Variants in FMNL3 observed in about 807,000 individuals in gnomAD.
The protein encoded by FMNL3 is formin-like protein 3.
In FMNL3, 57 loss-of-function variants were observed where a neutral mutation model predicts 119.6. The ratio of observed to expected loss-of-function variants is 0.48; its 90% CI spans 0.39 to 0.59. The LOEUF is 0.59. Among genes scored for constraint, FMNL3 ranks in the 20% least tolerant of loss-of-function variants. The pLI is 0.00. For synonymous variants in FMNL3, 491 were observed against 507.3 expected (o/e 0.97, Z 0.43); for missense variants, 1,053 against 1,323.5 (o/e 0.80, Z 3.17).
chr12:49,683,548 T>A (rs1406675032), intron 1 of FMNL3, among the ~76,000 whole-genome samples: 4 of 152,174 alleles, frequency 2.6e-5, no homozygotes, highest in African/African-American at 9.7e-5. Flanking sequence ...AACTATTTAT[T>A]AATAGTTAAC....
intron 1 of FMNL3, among the ~76,000 whole-genome samples, chr12:49,691,472 T>C (rs906829363): frequency 6.6e-6 from 1 of 152,192 alleles, no homozygotes; most frequent in Non-Finnish European, 1.5e-5. Context: ...CAGCTTTCAC[T>C]GGCCTGGAAA....
intron 1 of FMNL3, among the ~76,000 whole-genome samples, chr12:49,678,746 A>T (rs1389841939): frequency 6.6e-6 from 1 of 152,212 alleles, no homozygotes; most frequent in Non-Finnish European, 1.5e-5. Flanking sequence ...TACAGGCATG[A>T]GCCACAGTGC....
chr12:49,703,432 A>G (rs1053300673), intron 1 of FMNL3, among the ~76,000 whole-genome samples: 8 of 152,214 alleles, frequency 5.3e-5, no homozygotes, highest in African/African-American at 1.7e-4. Context: ...AATACCCAAC[A>G]GAATGGGAAG....
intron 1 of FMNL3, among the ~76,000 whole-genome samples, chr12:49,695,548 G>T (rs550402310): frequency 3.3e-5 from 5 of 152,216 alleles, no homozygotes; most frequent in African/African-American, 9.6e-5. Flanking sequence ...TAGAGTTGTT[G>T]TTAAGTTAAA....
chr12:49,647,953 G>C lies in FMNL3; in HGVS notation c.2677-149C>G. On this transcript the variant is annotated intron_variant, in intron 22 of 25. Coordinates refer to ENST00000335154, the MANE Select transcript of FMNL3 (RefSeq NM_175736.5). This position sits in a 1 kb window ranked among gnomAD's most constrained non-coding sequence, Gnocchi z 4.9. ...GCCCCTGTGAGCTGGAGGGAACCTG[G>C]GGCTCCCAAAGCTCCTGAGTATGAG... 1.3e-6 allele frequency: 1 copy of C among 794,658 alleles called. No homozygotes were observed. Among genetic ancestry groups the C allele is most frequent in the Non-Finnish European group, 1.9e-6 (1 of 512,862 alleles). The allele number at this position is 794,658 out of a possible 1,614,324, so 49.2% of individuals were successfully genotyped here.
chr12:49,679,903 A>C (rs1444132822), intron 1 of FMNL3, among the ~76,000 whole-genome samples: 1 of 152,204 alleles, frequency 6.6e-6, no homozygotes, highest in Non-Finnish European at 1.5e-5. Flanking sequence ...TTTACAAACA[A>C]GGGGGAACCT....
intron 22 of FMNL3, 89 bp downstream of exon 22, chr12:49,648,104 T>A (rs1462070842): frequency 2.1e-4 from 255 of 1,233,786 alleles, no homozygotes; most frequent in Non-Finnish European, 2.0e-4. Flanking sequence ...CTGCTTGATT[T>A]AAAAAAAAAA....
At chr12:49,652,740 AAG>A (rs1322088726) in intron 13 of FMNL3, among the ~76,000 whole-genome samples, 1 of 152,194 alleles carries the variant, frequency 6.6e-6, no homozygotes, top group Admixed American at 6.5e-5. Flanking sequence ...CTGAAAGAGA[AAG>A]TAGGATGGGG....
Position 49,639,622 on chromosome 12 carries a change from A to G in FMNL3, c.*6193T>C, listed in dbSNP as rs1942326600. ...CCTGTTTTCAAGTGAAGCAGCTTGA[A>G]TCTTTTTTATGCATAAAGGTTCTAC... is the stretch of plus-strand genomic sequence containing the variant. On this transcript the variant is annotated 3_prime_UTR_variant, in exon 26 of 26. Coordinates refer to ENST00000335154, the MANE Select transcript of FMNL3 (RefSeq NM_175736.5). 1 of 152,162 alleles carries G rather than the reference A, an allele frequency of 6.6e-6. No homozygotes were observed. The highest frequency in any genetic ancestry group is 6.5e-5 in the Admixed American group (1 of 15,284). The allele number at this position is 152,162 out of a possible 1,614,324, so 9.4% of individuals were successfully genotyped here.
chr12:49,667,286 G>A (rs1164069401), intron 2 of FMNL3, among the ~76,000 whole-genome samples: 2 of 152,050 alleles, frequency 1.3e-5, no homozygotes, highest in Admixed American at 6.6e-5. Flanking sequence ...AAAACGAAAG[G>A]TGTGAGAAAC....
chr12:49,706,975 G>C lies in FMNL3; in HGVS notation c.126+80C>G, dbSNP rs1425990727. On this transcript the variant is annotated intron_variant, in intron 1 of 25. Coordinates refer to ENST00000335154, the MANE Select transcript of FMNL3 (RefSeq NM_175736.5). ...CCGACTGAAAGGGTGGGCGGGACGG[G>C]GGCCCAGCACAAAGTCCCAGCCCGG... is the stretch of plus-strand genomic sequence containing the variant. The C allele has an allele frequency of 3.4e-6, 5 of 1,462,168 alleles. No individual in the cohort carries two copies. The South Asian group carries it at 3.7e-5, about 11-fold the overall frequency. 90.6% of individuals were successfully genotyped at this position (1,462,168 alleles called of 1,614,324 possible).
intron 4 of FMNL3, among the ~76,000 whole-genome samples, chr12:49,665,444 G>T (rs1243595352): frequency 6.6e-6 from 1 of 152,184 alleles, no homozygotes; most frequent in Non-Finnish European, 1.5e-5. Context: ...TCACCGAATG[G>T]GAACTAGGTC....
Position 49,707,083 on chromosome 12 carries a change from T to C in FMNL3, c.98A>G (p.Glu33Gly). The C allele has an allele frequency of 6.3e-7, 1 of 1,595,124 alleles. No homozygotes were observed. The highest frequency in any genetic ancestry group is 8.5e-7 in the Non-Finnish European group (1 of 1,172,438). The change falls in exon 1 of 26, where the codon GAG becomes GGG. Residue 33 changes from glutamate to glycine, a missense_variant. By Grantham distance (98) the Glu-to-Gly change is moderately conservative (BLOSUM62 -2). Coordinates refer to ENST00000335154, the MANE Select transcript of FMNL3 (RefSeq NM_175736.5). The part of the protein sequence containing the change: ...PGKMPMPEPC[E>G]LEERFALVLS... ...CACCAGGGCGAACCTTTCCTCCAGC[T>C]CACAGGGCTCAGGCATCGGCATCTT...
In FMNL3 at chr12:49,638,145, G is replaced by A. The variant is rs1489798562; in HGVS notation, c.*7670C>T. On this transcript the variant is annotated 3_prime_UTR_variant, in exon 26 of 26. Transcript: ENST00000335154. ...GTGGAAGAGGTTGGAGTGTACACGG[G>A]GTACTAAGAGCAAAGGCAAGGGGGT... 3.6e-6 allele frequency: 1 copy of A among 278,850 alleles called. No homozygotes were observed. Among genetic ancestry groups the A allele is most frequent in the Non-Finnish European group, 6.8e-6 (1 of 146,100 alleles). The allele number at this position is 278,850 out of a possible 1,614,324, so 17.3% of individuals were successfully genotyped here.
At chr12:49,696,307 C>T (rs1461263118) in intron 1 of FMNL3, among the ~76,000 whole-genome samples, 1 of 152,128 alleles carries the variant, frequency 6.6e-6, no homozygotes, top group Non-Finnish European at 1.5e-5. Context: ...GGCTCCAAGC[C>T]TGGTCCTGGA....
chr12:49,650,642 C>G, intron 17 of FMNL3, 34 bp downstream of exon 17: 1 of 1,610,226 alleles, frequency 6.2e-7, no homozygotes, highest in Non-Finnish European at 8.5e-7. Flanking sequence ...TGCCAACAGA[C>G]TAGGGACCAG....
Position 49,643,966 on chromosome 12 carries a change from C to T in FMNL3, c.*1849G>A. 2 of 1,614,188 alleles carry T rather than the reference C, an allele frequency of 1.2e-6. No homozygotes were observed. ...CAGGGAGCTCCAACAGGCAGAGCTC[C>T]CTAACCGTTCCCCAGGCTTTGGAAT... On this transcript the variant is annotated 3_prime_UTR_variant, in exon 26 of 26. Transcript: ENST00000335154.
Position 49,641,850 on chromosome 12 carries a change from T to A in FMNL3, c.*3965A>T. On this transcript the variant is annotated 3_prime_UTR_variant, in exon 26 of 26. Transcript: ENST00000335154. ...CCATCTGTAATGTGACCACTCTGCC[T>A]GCCAGCTTTGGCCTCAGGCACGTGG... is the stretch of plus-strand genomic sequence containing the variant. 1 of 1,452,572 alleles carries A rather than the reference T, an allele frequency of 6.9e-7. No homozygotes were observed. The highest frequency in any genetic ancestry group is 9.6e-7 in the Non-Finnish European group (1 of 1,038,618). The allele number at this position is 1,452,572 out of a possible 1,614,324, so 90.0% of individuals were successfully genotyped here.
rs759559734 is a variant in FMNL3, at chr12:49,654,922, A to G, written c.948T>C (p.Asn316=). 2 of 1,614,088 alleles carry G rather than the reference A, an allele frequency of 1.2e-6. No homozygotes were observed. Among genetic ancestry groups the G allele is most frequent in the East Asian group, 2.2e-5 (1 of 44,894 alleles). ...CCCAGTTCCTCACCATGAAGTCAAT[A>G]TTGCTGTCCTCATTCCGGAAATACT... ...LMEYFRNEDS[N]IDFMVACMQF... Residue 316 remains asparagine, a synonymous_variant, in exon 10 of 26, where the codon AAT becomes AAC. Coordinates refer to ENST00000335154, the MANE Select transcript of FMNL3 (RefSeq NM_175736.5).
Sources: gnomAD v4.1 joint callset for allele counts (sites outside exome capture counted in the v4.1 genomes callset) on GRCh38, gnomAD v4.1.1 for gene constraint, Gnocchi (gnomAD v3.1) non-coding constraint, MANE v1.5 for transcripts, NCBI Gene and HGNC (gene_info 2026-07-23, HGNC 2026-07-21) for gene names.